The following ZNF804B variants were observed in gnomAD, a reference collection of about 807,000 sequenced individuals.
The protein encoded by ZNF804B is zinc finger protein 804B, also known as zinc finger 804B.
ZNF804B carries 80 observed loss-of-function variants against 101.4 expected under a neutral mutation model. The ratio of observed to expected loss-of-function variants is 0.79; its 90% CI spans 0.66 to 0.95. The LOEUF (loss-of-function observed/expected upper bound fraction) is 0.95. ZNF804B is among the 40% of genes least tolerant of loss of function. The pLI is 0.00. For missense variants in ZNF804B, 1,673 were observed against 1,561.9 expected (o/e 1.07, Z -1.20); for synonymous variants, 622 against 558.8 (o/e 1.11, Z -1.59).
At chr7:89,250,480 A>T (rs1407362123) in intron 2 of ZNF804B, among the ~76,000 whole-genome samples, 1 of 152,210 alleles carries the variant, frequency 6.6e-6, no homozygotes, top group Non-Finnish European at 1.5e-5. Context: ...GCCCTGGATC[A>T]GATGGATTCA....
At chr7:89,033,426 G>A (rs2116235056) in intron 1 of ZNF804B, among the ~76,000 whole-genome samples, 1 of 152,188 alleles carries the variant, frequency 6.6e-6, no homozygotes, top group African/African-American at 2.4e-5. Flanking sequence ...CAAACATAGG[G>A]GTGCAGTCAT....
chr7:88,779,423 G>A (rs550397139), intron 1 of ZNF804B, among the ~76,000 whole-genome samples: 14 of 152,136 alleles, frequency 9.2e-5, no homozygotes, highest in South Asian at 2.1e-4. Context: ...TCCTTTTTCC[G>A]CTAGTAACTC....
chr7:88,759,808 C>G lies in ZNF804B; in HGVS notation c.-169C>G. 1.6e-6 allele frequency: 1 copy of G among 612,406 alleles called. No individual in the cohort carries two copies. The allele number at this position is 612,406 out of a possible 1,614,324, so 37.9% of individuals were successfully genotyped here. Reference sequence around the variant, plus strand: ...AGCAGCAGCTGTCGGCAGCAGGAGCCCCGCACGGGGCGCGGAGCAGGGACG... The same window carrying G: ...AGCAGCAGCTGTCGGCAGCAGGAGCGCCGCACGGGGCGCGGAGCAGGGACG... On this transcript the variant is annotated 5_prime_UTR_variant, in exon 1 of 4. Transcript: ENST00000333190.
intron 1 of ZNF804B, among the ~76,000 whole-genome samples, chr7:88,850,476 A>T (rs1302378767): frequency 5.3e-5 from 8 of 152,234 alleles, no homozygotes; most frequent in Non-Finnish European, 8.8e-5. Context: ...GACTCGTGGA[A>T]AAAACACCCA....
chr7:88,761,926 C>G (rs1789903881), intron 1 of ZNF804B, among the ~76,000 whole-genome samples: 1 of 152,176 alleles, frequency 6.6e-6, no homozygotes, highest in Admixed American at 6.5e-5. Flanking sequence ...CTGACTGACA[C>G]TATAGAGACT....
chr7:89,225,936 G>C (rs146538915), intron 2 of ZNF804B, among the ~76,000 whole-genome samples: 2 of 152,060 alleles, frequency 1.3e-5, no homozygotes, highest in South Asian at 4.1e-4. Flanking sequence ...TGAGATAAGC[G>C]TTCAAGAGTT....
intron 1 of ZNF804B, among the ~76,000 whole-genome samples, chr7:89,083,975 T>G (rs1352279979): frequency 6.6e-6 from 1 of 151,846 alleles, no homozygotes; most frequent in Admixed American, 6.6e-5. Context: ...CAAAGCCTCA[T>G]CAGAACAGTC....
chr7:88,798,416 C>T (rs181468539), intron 1 of ZNF804B, among the ~76,000 whole-genome samples: 159 of 152,140 alleles, frequency 1.0e-3, no homozygotes, highest in Non-Finnish European at 5.3e-4. Flanking sequence ...TCTTGAAAAA[C>T]ATATGAACTA....
At chr7:89,253,358 TAA>T (rs1376971945) in intron 2 of ZNF804B, among the ~76,000 whole-genome samples, 1 of 152,034 alleles carries the variant, frequency 6.6e-6, no homozygotes, top group Non-Finnish European at 1.5e-5. Context: ...GTTAAATTAA[TAA>T]AGAGGCATCA....
At chr7:88,992,933 A>G (rs1263193918) in intron 1 of ZNF804B, among the ~76,000 whole-genome samples, 1 of 152,002 alleles carries the variant, frequency 6.6e-6, no homozygotes, top group East Asian at 1.9e-4. Flanking sequence ...ATAAAATTGA[A>G]TTTATGCTTT....
At chr7:89,079,586 C>A (rs1789665548) in intron 1 of ZNF804B, among the ~76,000 whole-genome samples, 1 of 151,938 alleles carries the variant, frequency 6.6e-6, no homozygotes, top group Non-Finnish European at 1.5e-5. Flanking sequence ...TTATGAAGCT[C>A]ACATTCCAGT....
intron 1 of ZNF804B, among the ~76,000 whole-genome samples, chr7:89,203,837 C>G (rs982299089): frequency 6.6e-6 from 1 of 152,266 alleles, no homozygotes; most frequent in East Asian, 1.9e-4. Context: ...TGGCTTTATA[C>G]TATTTTAATA....
At chr7:89,033,810 T>G (rs895769599) in intron 1 of ZNF804B, among the ~76,000 whole-genome samples, 1 of 152,044 alleles carries the variant, frequency 6.6e-6, no homozygotes, top group Non-Finnish European at 1.5e-5. Flanking sequence ...TATTGAAAAT[T>G]TATTAATAAA....
At chr7:89,059,958 T>C (rs1789353714) in intron 1 of ZNF804B, among the ~76,000 whole-genome samples, 2 of 152,126 alleles carry the variant, frequency 1.3e-5, no homozygotes, top group African/African-American at 2.4e-5. Context: ...GAGACATTCT[T>C]CTGCTGCCTT....
At chr7:88,783,989 A>G (rs576323056) in intron 1 of ZNF804B, among the ~76,000 whole-genome samples, 1 of 152,216 alleles carries the variant, frequency 6.6e-6, no homozygotes, top group African/African-American at 2.4e-5. Context: ...CATTACAGAG[A>G]TAAATGGTTC....
chr7:88,783,496 A>C (rs1159365203), intron 1 of ZNF804B, among the ~76,000 whole-genome samples: 3 of 152,140 alleles, frequency 2.0e-5, no homozygotes, highest in African/African-American at 7.2e-5. Flanking sequence ...TTCATCCATA[A>C]TATCTTAGAG....
intron 1 of ZNF804B, among the ~76,000 whole-genome samples, chr7:89,113,318 C>CCATGTAATAAACCTGCA (rs1790249208): frequency 6.6e-6 from 1 of 151,946 alleles, no homozygotes; most frequent in Admixed American, 6.6e-5. Flanking sequence ...TGCAATTTAC[C>CCATGTAATAAACCTGCA]CATGTAATAA....
At chr7:88,851,323 C>T (rs1277556219) in intron 1 of ZNF804B, among the ~76,000 whole-genome samples, 1 of 151,836 alleles carries the variant, frequency 6.6e-6, no homozygotes, top group Non-Finnish European at 1.5e-5. Flanking sequence ...AAAAGCACAC[C>T]AAAGCACATT....
At chr7:89,122,256 A>G (rs186768157) in intron 1 of ZNF804B, among the ~76,000 whole-genome samples, 367 of 152,286 alleles carry the variant, frequency 2.4e-3, no homozygotes, top group African/African-American at 4.5e-3. Flanking sequence ...TAAAATTTCA[A>G]TTCTTCAGTC....
Sources: gnomAD v4.1 joint callset for allele counts (sites outside exome capture counted in the v4.1 genomes callset) on GRCh38, gnomAD v4.1.1 for gene constraint, MANE v1.5 for transcripts, NCBI Gene and HGNC (gene_info 2026-07-23, HGNC 2026-07-21) for gene names.